The following DPH6 variants were observed in gnomAD, a reference collection of about 807,000 sequenced individuals.
DPH6 encodes diphthine--ammonia ligase.
A neutral mutation model predicts 38.2 loss-of-function variants in DPH6; 33 were observed. The ratio of observed to expected loss-of-function variants is 0.86; its 90% CI spans 0.65 to 1.15. The LOEUF is 1.15. Ranked by LOEUF, DPH6 falls within the 50% of genes most tolerant of loss-of-function variation. The pLI, the probability that DPH6 is intolerant of heterozygous loss-of-function variation, is 0.00. For synonymous variants in DPH6, 108 were observed against 103.0 expected (o/e 1.05, Z -0.30); for missense variants, 325 against 320.0 (o/e 1.02, Z -0.12).
chr15:35,366,429 A>T (rs552350853), downstream of DPH6, among the ~76,000 whole-genome samples: 130 of 152,078 alleles, frequency 8.5e-4, no homozygotes, highest in Non-Finnish European at 1.6e-3. Flanking sequence ...GAAGAATAAC[A>T]TTTAAGTGTT....
At chr15:35,304,289 C>T (rs1432115174) in intron 3 of DPH6, among the ~76,000 whole-genome samples, 3 of 152,080 alleles carry the variant, frequency 2.0e-5, no homozygotes, top group African/African-American at 2.4e-5. Flanking sequence ...ATTGTAAGCC[C>T]AAGTTCCTTT....
intron 6 of DPH6, among the ~76,000 whole-genome samples, chr15:35,405,235 ATTG>A (rs1484110554): frequency 1.3e-5 from 2 of 151,520 alleles, no homozygotes; most frequent in Non-Finnish European, 2.9e-5. Context: ...TTTTTTTACT[ATTG>A]TTGTGAAAAA....
At chr15:35,514,550 C>G (rs1377402330) in intron 3 of DPH6, among the ~76,000 whole-genome samples, 1 of 152,030 alleles carries the variant, frequency 6.6e-6, no homozygotes, top group Non-Finnish European at 1.5e-5. Flanking sequence ...TCCATGATCT[C>G]AGGATACATT....
chr15:35,197,954 T>G, the DPH6 span, among the ~76,000 whole-genome samples: 1 of 152,116 alleles, frequency 6.6e-6, no homozygotes, highest in South Asian at 2.1e-4. Flanking sequence ...CATTTCCCTT[T>G]TTGCATAGAC....
chr15:35,174,336 T>C, the DPH6 span, among the ~76,000 whole-genome samples: 17 of 152,252 alleles, frequency 1.1e-4, no homozygotes, highest in Admixed American at 2.0e-4. Context: ...CATATGAACA[T>C]GTCTTCAAAA....
chr15:35,331,400 C>T (rs935111119), intron 3 of DPH6, among the ~76,000 whole-genome samples: 5 of 151,356 alleles, frequency 3.3e-5, no homozygotes, highest in East Asian at 1.9e-4. Context: ...ATCATCTTCC[C>T]GAAACAGATA....
chr15:35,205,238 G>A, the DPH6 span, among the ~76,000 whole-genome samples: 247 of 152,024 alleles, frequency 1.6e-3, 1 homozygote, highest in Non-Finnish European at 2.7e-3. Flanking sequence ...TATTGGTCCT[G>A]AGAGTTCTAT....
the DPH6 span, among the ~76,000 whole-genome samples, chr15:35,179,734 A>G: frequency 2.0e-4 from 31 of 152,262 alleles, no homozygotes; most frequent in East Asian, 5.8e-3. Flanking sequence ...CCCTTTGTTT[A>G]CTGAATGGGG....
chr15:35,287,964 T>C (rs2140442967), intron 3 of DPH6, among the ~76,000 whole-genome samples: 1 of 152,330 alleles, frequency 6.6e-6, no homozygotes, highest in South Asian at 2.1e-4. Flanking sequence ...GGCATCACTG[T>C]CAGGTACTCC....
Position 35,371,422 on chromosome 15 carries a change from T to G in DPH6, c.*728A>C. On this transcript the variant is annotated 3_prime_UTR_variant, in exon 9 of 9. Coordinates refer to ENST00000256538, the MANE Select transcript of DPH6 (RefSeq NM_080650.4). Reference sequence around the variant, plus strand: ...AAATGTACCACTCTATTATAAGACATTGACGGTAGGGGAGGCTGTGAATGT... The same window carrying G: ...AAATGTACCACTCTATTATAAGACAGTGACGGTAGGGGAGGCTGTGAATGT... 3.9e-6 allele frequency: 1 copy of G among 255,800 alleles called. No homozygotes were observed. The highest frequency in any genetic ancestry group is 6.1e-6 in the Non-Finnish European group (1 of 163,046). 15.8% of individuals were successfully genotyped at this position (255,800 alleles called of 1,614,324 possible).
intron 3 of DPH6, among the ~76,000 whole-genome samples, chr15:35,485,827 G>A (rs758170818): frequency 3.9e-5 from 6 of 152,120 alleles, no homozygotes; most frequent in Non-Finnish European, 5.9e-5. Flanking sequence ...ATGAGTATGC[G>A]GTAAACTCAA....
intron 3 of DPH6, among the ~76,000 whole-genome samples, chr15:35,361,664 T>C (rs901371278): frequency 6.6e-6 from 1 of 151,822 alleles, no homozygotes; most frequent in African/African-American, 2.4e-5. Context: ...TCAAATGACC[T>C]GACTTCAAGT....
intron 6 of DPH6, chr15:35,396,239 A>G (rs1420683386): frequency 3.3e-5 from 5 of 152,278 alleles, no homozygotes; most frequent in African/African-American, 1.2e-4. Flanking sequence ...CAATTTATAT[A>G]TACTTATCAC....
chr15:35,193,543 G>A, the DPH6 span, among the ~76,000 whole-genome samples: 7 of 152,022 alleles, frequency 4.6e-5, no homozygotes, highest in African/African-American at 9.7e-5. Context: ...CACTGGCAGC[G>A]ATAAAGGTAG....
Position 35,323,390 on chromosome 15 carries a change from G to C in DPH6, n.200+50131C>G, listed in dbSNP as rs190032669. On this transcript the variant is annotated intron_variant and non_coding_transcript_variant, in intron 3 of 3. Transcript: ENST00000560386. ...CAAGAGAGTGTGCCATTTGGGGAAG[G>C]AGGGGAAAACATTTTGTTTCCTTTT... Among the ~76,000 whole-genome samples, 112 of 152,206 alleles carry C rather than the reference G, an allele frequency of 7.4e-4. 1 individual carries two copies. Among genetic ancestry groups the C allele is most frequent in the African/African-American group, 2.6e-3 (106 of 41,542 alleles).
the DPH6 span, among the ~76,000 whole-genome samples, chr15:35,148,730 C>T: frequency 6.6e-6 from 1 of 152,092 alleles, no homozygotes; most frequent in Admixed American, 6.6e-5. Flanking sequence ...GCCCTTTATT[C>T]GATCTATGAT....
At chr15:35,443,687 G>C (rs2053816549) in intron 5 of DPH6, among the ~76,000 whole-genome samples, 1 of 152,080 alleles carries the variant, frequency 6.6e-6, no homozygotes, top group Non-Finnish European at 1.5e-5. Flanking sequence ...CCTCTAGAAA[G>C]GTAAGTCTCT....
chr15:35,205,246 T>C, the DPH6 span, among the ~76,000 whole-genome samples: 4 of 152,026 alleles, frequency 2.6e-5, no homozygotes, highest in African/African-American at 9.7e-5. Context: ...CTGAGAGTTC[T>C]ATCAGAATAT....
chr15:35,372,357 A>T (rs2140922321), intron 8 of DPH6, 154 bp from the exon 9 acceptor site: 1 of 555,346 alleles, frequency 1.8e-6, no homozygotes, highest in Non-Finnish European at 2.8e-6. Context: ...GAGGTGTCAT[A>T]CTGAAGACCA....
Sources: gnomAD v4.1 joint callset for allele counts (sites outside exome capture counted in the v4.1 genomes callset) on GRCh38, gnomAD v4.1.1 for gene constraint, MANE v1.5 for transcripts, NCBI Gene and HGNC (gene_info 2026-07-23, HGNC 2026-07-21) for gene names.